PWWP2A: variants seen among roughly 807,000 people sequenced by gnomAD.
PWWP2A encodes the protein PWWP domain containing 2A.
A neutral mutation model predicts 48.5 loss-of-function variants in PWWP2A; 18 were observed. The observed-to-expected ratio is 0.37, with a 90% CI of 0.26 to 0.55. The LOEUF is 0.55. Ranked by LOEUF, PWWP2A falls within the 20% of genes least tolerant of loss-of-function variation. The probability of loss-of-function intolerance (pLI) is 0.81; values close to 1 mark genes in which losing one functional copy is unlikely to be tolerated. For missense variants in PWWP2A, 867 were observed against 976.4 expected, an observed-to-expected ratio of 0.89 and a Z score of 1.49; for synonymous variants, 396 against 387.7, an observed-to-expected ratio of 1.02 and a Z score of -0.25.
the PWWP2A span, among the ~76,000 whole-genome samples, chr5:160,047,707 C>G: frequency 6.6e-6 from 1 of 152,262 alleles, no homozygotes; most frequent in Admixed American, 6.5e-5. Context: ...ATTTCAGCCT[C>G]TGATCCCCAG....
downstream of PWWP2A, among the ~76,000 whole-genome samples, chr5:160,087,283 G>A (rs957420881): frequency 9.9e-5 from 15 of 152,012 alleles, no homozygotes; most frequent in African/African-American, 3.4e-4. Flanking sequence ...GGTAGGGGCA[G>A]GGGGCTTGAG....
downstream of PWWP2A, chr5:160,075,805 T>TAAAAAAA (rs58558222): frequency 2.9e-5 from 2 of 69,840 alleles, no homozygotes; most frequent in African/African-American, 1.1e-4. Flanking sequence ...ATTCTAATAG[T>TAAAAAAA]AAAAAAAAAA....
At chr5:160,060,001 A>G (rs909887286), downstream of PWWP2A, among the ~76,000 whole-genome samples, 2 of 152,258 alleles carry the variant, frequency 1.3e-5, no homozygotes, top group African/African-American at 2.4e-5. Context: ...GTCTGCCTGT[A>G]TAAGAATTTC....
At chr5:160,062,714 G>C (rs1369380631) in intron 5 of PWWP2A, among the ~76,000 whole-genome samples, 2 of 152,172 alleles carry the variant, frequency 1.3e-5, no homozygotes, top group Non-Finnish European at 2.9e-5. Context: ...TCTGATGTGA[G>C]TGGCTCTTGA....
At chr5:160,098,300 A>C (rs147026220) in intron 1 of PWWP2A, among the ~76,000 whole-genome samples, 283 of 152,316 alleles carry the variant, frequency 1.9e-3, no homozygotes, top group African/African-American at 6.3e-3. Context: ...AGGGGGAAAA[A>C]GGGGAAATAA....
At chr5:160,110,351 G>A (rs930218979) in intron 1 of PWWP2A, among the ~76,000 whole-genome samples, 1 of 152,098 alleles carries the variant, frequency 6.6e-6, no homozygotes, top group African/African-American at 2.4e-5. Flanking sequence ...AAGGATTACT[G>A]CTATTATTTC....
At chr5:160,060,948 GACTA>G (rs1029623625), downstream of PWWP2A, among the ~76,000 whole-genome samples, 2 of 152,226 alleles carry the variant, frequency 1.3e-5, no homozygotes, top group Admixed American at 6.5e-5. Flanking sequence ...CACAATGTGG[GACTA>G]ACTTTCTGTC....
rs1169301393 is a variant in PWWP2A at position 160,093,862 on chromosome 5, G to T, written c.788C>A (p.Pro263Gln). ...LAESLWTSKP[P>Q]PLFHEGAPYP... ...AGGTGCTCCTTCATGGAAGAGAGGTGGTGGTTTGGAAGTCCACAGGCTTTC... is the reference window on the plus strand; with the variant it reads ...AGGTGCTCCTTCATGGAAGAGAGGTTGTGGTTTGGAAGTCCACAGGCTTTC... The change falls in exon 2 of 2, where the codon CCA becomes CAA. Residue 263 changes from proline (P) to glutamine (Q), a missense_variant. Transcript: ENST00000307063. This position sits in a 1 kb window ranked among gnomAD's most constrained non-coding sequence, Gnocchi z 5.8. 3 of 1,614,056 alleles carry T rather than the reference G, an allele frequency of 1.9e-6. No individual in the cohort carries two copies. Among genetic ancestry groups the T allele is most frequent in the Non-Finnish European group, 2.5e-6 (3 of 1,179,904 alleles).
chr5:160,110,770 G>A (rs990488914), intron 1 of PWWP2A, among the ~76,000 whole-genome samples: 11 of 151,840 alleles, frequency 7.2e-5, no homozygotes, highest in African/African-American at 2.2e-4. Flanking sequence ...AGTGGCTCAC[G>A]CCTGTAATCC....
chr5:160,105,092 G>C (rs1756730764), intron 1 of PWWP2A, among the ~76,000 whole-genome samples: 1 of 152,064 alleles, frequency 6.6e-6, no homozygotes, highest in South Asian at 2.1e-4. Flanking sequence ...AAAACAATTA[G>C]CCAGGTGTGG....
chr5:160,089,726 T>C, downstream of PWWP2A: 1 of 1,237,092 alleles, frequency 8.1e-7, no homozygotes, highest in Non-Finnish European at 1.0e-6. Context: ...CCCTGGCCAA[T>C]CCTTTGTTTT....
intron 5 of PWWP2A, among the ~76,000 whole-genome samples, chr5:160,062,510 G>A (rs758472040): frequency 6.6e-6 from 1 of 152,232 alleles, no homozygotes; most frequent in Non-Finnish European, 1.5e-5. Context: ...ATTGTGCATA[G>A]AAGCTACTTT....
chr5:160,078,744 A>G lies in PWWP2A; in HGVS notation c.1670-576T>C, dbSNP rs1754024644. ...CCAGAAGTAGACACAGCACATCGGA[A>G]GGCATGAAGAGCACCATTTTGATAC... is the stretch of plus-strand genomic sequence containing the variant. On this transcript the variant is annotated intron_variant, in intron 3 of 3. Coordinates refer to the PWWP2A transcript ENST00000456329. The surrounding 1 kb of genome is among the most constrained non-coding windows in gnomAD (Gnocchi z 4.2). Among the ~76,000 whole-genome samples the G allele has an allele frequency of 6.6e-6, 1 of 152,212 alleles. No homozygotes were observed. The highest frequency in any genetic ancestry group is 1.9e-4 in the East Asian group (1 of 5,202).
intron 1 of PWWP2A, among the ~76,000 whole-genome samples, chr5:160,107,582 A>G (rs750498794): frequency 1.3e-5 from 2 of 152,380 alleles, no homozygotes; most frequent in Middle Eastern, 3.4e-3. Flanking sequence ...AGATAAGCAC[A>G]TAATATATAA....
At chr5:160,060,420 C>T (rs922444856), downstream of PWWP2A, among the ~76,000 whole-genome samples, 1 of 152,172 alleles carries the variant, frequency 6.6e-6, no homozygotes, top group Non-Finnish European at 1.5e-5. Flanking sequence ...GGTCTAAGCA[C>T]GAGTAGTTCT....
At chr5:160,081,984 C>T (rs1177846645) in intron 2 of PWWP2A, among the ~76,000 whole-genome samples, 3 of 152,028 alleles carry the variant, frequency 2.0e-5, no homozygotes, top group South Asian at 2.1e-4. Flanking sequence ...TTTGTATACA[C>T]CTGATCTAGA....
intron 1 of PWWP2A, chr5:160,108,618 TAAAGA>T (rs1436980285): frequency 9.4e-6 from 12 of 1,278,022 alleles, no homozygotes; most frequent in Admixed American, 2.3e-5. Flanking sequence ...ATGGTCTCTG[TAAAGA>T]AAAGAAATCA....
rs192170483 is a variant in PWWP2A, at chr5:160,115,562, G to A, written c.584+3243C>T. On this transcript the variant is annotated intron_variant, in intron 1 of 1. Transcript: ENST00000307063. ...ACAAAAATTAGCCGGGCGTGGTGGC[G>A]GGCACCTGTAATCCCAGCTACTCGG... Among the ~76,000 whole-genome samples the A allele has an allele frequency of 9.5e-3, 1,445 of 151,464 alleles. 17 individuals are homozygous for A. Among genetic ancestry groups the A allele is most frequent in the African/African-American group, 0.033 (1,352 of 41,310 alleles).
chr5:160,090,419 C>G (rs1269468086), downstream of PWWP2A: 9 of 983,208 alleles, frequency 9.2e-6, no homozygotes, highest in Non-Finnish European at 1.1e-5. Context: ...GAAACAAATA[C>G]TTGGAAAATC....
Sources: gnomAD v4.1 joint callset for allele counts (sites outside exome capture counted in the v4.1 genomes callset) on GRCh38, gnomAD v4.1.1 for gene constraint, Gnocchi (gnomAD v3.1) non-coding constraint, MANE v1.5 for transcripts, NCBI Gene and HGNC (gene_info 2026-07-23, HGNC 2026-07-21) for gene names.